The following COPS4 variants were observed in gnomAD, a reference collection of about 807,000 sequenced individuals.
The protein encoded by COPS4 is COP9 signalosome subunit 4, also known as COP9 signalosome complex subunit 4.
Under a neutral mutation model 55.1 loss-of-function variants are expected in COPS4, and 8 were observed. That is an observed-to-expected ratio of 0.15 (90% CI 0.09 to 0.26). COPS4 has a LOEUF of 0.26. Among genes scored for constraint, COPS4 ranks in the 10% least tolerant of loss-of-function variants. The pLI, the probability that COPS4 is intolerant of heterozygous loss-of-function variation, is 1.00. For synonymous variants in COPS4, 185 were observed against 165.7 expected, an observed-to-expected ratio of 1.12 and a Z score of -0.90; for missense variants, 248 against 484.0, an observed-to-expected ratio of 0.51 and a Z score of 4.58.
intron 1 of COPS4, among the ~76,000 whole-genome samples, chr4:83,040,087 C>A (rs771038106): frequency 8.5e-5 from 13 of 152,220 alleles, no homozygotes; most frequent in Non-Finnish European, 1.6e-4. Flanking sequence ...TTCAGGCCTA[C>A]CTTCTAGTTT....
intron 9 of COPS4, among the ~76,000 whole-genome samples, chr4:83,070,522 C>CT (rs1425185027): frequency 6.6e-6 from 1 of 152,190 alleles, no homozygotes; most frequent in African/African-American, 2.4e-5. Context: ...TCCAATACTC[C>CT]TTATCCTTGG....
chr4:83,073,468 A>AT (rs1386089925), intron 9 of COPS4: 9 of 402,070 alleles, frequency 2.2e-5, no homozygotes, highest in Non-Finnish European at 3.1e-5. Context: ...TCAAACACCA[A>AT]TTTTTTTATG....
chr4:83,070,360 A>G (rs2126134923), intron 9 of COPS4, among the ~76,000 whole-genome samples: 1 of 152,232 alleles, frequency 6.6e-6, no homozygotes, highest in Admixed American at 6.5e-5. Flanking sequence ...TCCCAGCCCC[A>G]TGGTTCTAGT....
At position 83,049,868 on chromosome 4, in the gene COPS4, C is replaced by T; in HGVS notation, c.307-13C>T. ...CAGTTGAAATAATTTGACATGTATA[C>T]CTATTATTCCAGGTTGCTTCCATAA... On this transcript the variant is annotated splice_polypyrimidine_tract_variant and intron_variant, in intron 3 of 9. Coordinates refer to ENST00000264389, the MANE Select transcript of COPS4 (RefSeq NM_016129.3). 1 of 1,441,512 alleles carries T rather than the reference C, an allele frequency of 6.9e-7. No individual in the cohort carries two copies. Among genetic ancestry groups the T allele is most frequent in the South Asian group, 1.3e-5 (1 of 79,322 alleles). The allele number at this position is 1,441,512 out of a possible 1,614,324, so 89.3% of individuals were successfully genotyped here.
intron 7 of COPS4, among the ~76,000 whole-genome samples, chr4:83,063,629 G>A (rs933748278): frequency 6.6e-6 from 1 of 150,976 alleles, no homozygotes; most frequent in South Asian, 2.1e-4. Context: ...GGATGGTTTC[G>A]ATCTCCTGAC....
At chr4:83,047,637 A>G (rs940812752) in intron 2 of COPS4, among the ~76,000 whole-genome samples, 1 of 152,226 alleles carries the variant, frequency 6.6e-6, no homozygotes, top group African/African-American at 2.4e-5. Flanking sequence ...AAAGCAGTCT[A>G]CTGTTAAAAT....
In COPS4 at chr4:83,065,082, C is replaced by T. The variant is rs567970693; in HGVS notation, c.887-1356C>T. 2.0e-4 allele frequency: 136 copies of T among 686,592 alleles called. No homozygotes were observed. In the South Asian group the frequency reaches 2.0e-3, roughly 10 times the overall value. 42.5% of individuals were successfully genotyped at this position (686,592 alleles called of 1,614,324 possible). ...TAGAGACAGGATCTCTCCATTTTGC[C>T]CAGGCTGGTCTTGAACTCCTGGGCT... On this transcript the variant is annotated intron_variant, in intron 7 of 9. Coordinates refer to ENST00000264389, the MANE Select transcript of COPS4 (RefSeq NM_016129.3).
chr4:83,035,748 C>T, intron 1 of COPS4: 1 of 166,174 alleles, frequency 6.0e-6, no homozygotes, highest in Non-Finnish European at 1.3e-5. Context: ...GGGGAGATGG[C>T]TTCTTGGGGC....
At position 83,049,197 on chromosome 4, in the gene COPS4, G is replaced by A. The variant is rs773090334; in HGVS notation, c.186G>A (p.Ser62=). The A allele has an allele frequency of 7.5e-6, 12 of 1,603,780 alleles. No individual in the cohort carries two copies. In the Admixed American group the frequency reaches 1.2e-4, roughly 16 times the overall value. The change falls in exon 3 of 10, where the codon TCG becomes TCA. Residue 62 remains serine, a synonymous_variant. Transcript: ENST00000264389. ...MVNENVSLVI[S]RQLLTDFCTH... Reference sequence around the variant, plus strand: ...ATGAGAATGTCAGTCTCGTGATCTCGCGGCAGTTGCTGACTGATTTTTGCA... The same window carrying A: ...ATGAGAATGTCAGTCTCGTGATCTCACGGCAGTTGCTGACTGATTTTTGCA...
intron 9 of COPS4, among the ~76,000 whole-genome samples, chr4:83,071,901 G>A (rs981392572): frequency 4.6e-5 from 7 of 151,598 alleles, no homozygotes; most frequent in East Asian, 1.9e-4. Flanking sequence ...TAATAGAGAC[G>A]GGGTTTCACC....
intron 9 of COPS4, among the ~76,000 whole-genome samples, chr4:83,073,044 C>T (rs1240020661): frequency 2.0e-5 from 3 of 152,182 alleles, no homozygotes; most frequent in Non-Finnish European, 1.5e-5. Flanking sequence ...GGAAATTCAC[C>T]TAACAGAACA....
chr4:83,043,361 AAAG>A (rs891451698), intron 1 of COPS4, among the ~76,000 whole-genome samples: 6 of 151,860 alleles, frequency 4.0e-5, no homozygotes, highest in African/African-American at 1.5e-4. Context: ...TACAAAAAGA[AAAG>A]AACAGTTAAC....
chr4:83,062,280 G>T (rs898022790), intron 6 of COPS4, among the ~76,000 whole-genome samples: 1 of 152,122 alleles, frequency 6.6e-6, no homozygotes, highest in African/African-American at 2.4e-5. Context: ...AAGGAAAATA[G>T]AAATCACCTG....
chr4:83,066,493 A>G lies in COPS4; in HGVS notation c.942A>G (p.Lys314=), dbSNP rs760749250. 20 of 1,601,738 alleles carry G rather than the reference A, an allele frequency of 1.2e-5. No individual in the cohort carries two copies. In the African/African-American group the frequency reaches 2.3e-4, roughly 18 times the overall value. The change falls in exon 8 of 10, where the codon AAA becomes AAG. Residue 314 remains lysine, a synonymous_variant. Transcript: ENST00000264389. ...VIEHNLLSAS[K]LYNNITFEEL... is the part of the protein sequence containing the mutation. ...AACACAATTTGTTGTCTGCAAGCAA[A>G]TTATATAATAATATTACCTTCGAAG...
intron 2 of COPS4, among the ~76,000 whole-genome samples, chr4:83,047,577 A>G (rs1468436332): frequency 6.6e-6 from 1 of 152,098 alleles, no homozygotes; most frequent in Non-Finnish European, 1.5e-5. Context: ...ACATATATAT[A>G]TATATTTTTT....
intron 9 of COPS4, chr4:83,073,298 CT>C (rs1372724267): frequency 7.2e-6 from 5 of 698,504 alleles, no homozygotes; most frequent in Non-Finnish European, 1.3e-5. Context: ...GACATGTGAC[CT>C]TTTGGCTGAT....
chr4:83,071,661 C>T (rs145594478), intron 9 of COPS4, among the ~76,000 whole-genome samples: 147 of 152,022 alleles, frequency 9.7e-4, no homozygotes, highest in African/African-American at 3.4e-3. Flanking sequence ...TCAAGTGATC[C>T]TCCTGCCTCA....
intron 1 of COPS4, among the ~76,000 whole-genome samples, chr4:83,044,707 G>GGAGGTTGCAGTGAGCC (rs1560435451): frequency 6.6e-6 from 1 of 151,850 alleles, no homozygotes; most frequent in African/African-American, 2.4e-5. Flanking sequence ...CCTGGGAGGT[G>GGAGGTTGCAGTGAGCC]GAGGTTGCAG....
intron 1 of COPS4, among the ~76,000 whole-genome samples, chr4:83,037,726 G>C (rs1020834743): frequency 1.4e-4 from 22 of 151,978 alleles, no homozygotes; most frequent in African/African-American, 5.3e-4. Flanking sequence ...AGTAACAAAG[G>C]ATTCCATATT....
Sources: gnomAD v4.1 joint callset for allele counts (sites outside exome capture counted in the v4.1 genomes callset) on GRCh38, gnomAD v4.1.1 for gene constraint, MANE v1.5 for transcripts, NCBI Gene and HGNC (gene_info 2026-07-23, HGNC 2026-07-21) for gene names.